Variants in WWOX observed in about 807,000 individuals in gnomAD.
WWOX encodes the protein WW domain containing oxidoreductase, also known as WW domain-containing oxidoreductase.
WWOX carries 69 observed loss-of-function variants against 46.2 expected under a neutral mutation model. The ratio of observed to expected loss-of-function variants is 1.49; its 90% CI spans 1.23 to 1.82. The LOEUF is 1.82. Among genes scored for constraint, WWOX ranks in the 40% most tolerant of loss-of-function variants. The probability of loss-of-function intolerance (pLI) is 0.00; values close to 1 mark genes in which losing one functional copy is unlikely to be tolerated. For synonymous variants in WWOX, 359 were observed against 202.6 expected (o/e 1.77, Z -6.56); for missense variants, 919 against 542.6 (o/e 1.69, Z -6.89).
intron 8 of WWOX, among the ~76,000 whole-genome samples, chr16:79,210,267 T>A (rs955365302): frequency 6.6e-6 from 1 of 152,218 alleles, no homozygotes; most frequent in Non-Finnish European, 1.5e-5. Context: ...AACCCAAGTC[T>A]GCCTTATGGC....
At chr16:78,310,931 G>C (rs1402531835) in intron 5 of WWOX, among the ~76,000 whole-genome samples, 2 of 152,176 alleles carry the variant, frequency 1.3e-5, no homozygotes, top group Non-Finnish European at 2.9e-5. Context: ...GCTTGGCATC[G>C]GAGTGGATGC....
At chr16:79,000,320 C>T (rs369477468) in intron 8 of WWOX, among the ~76,000 whole-genome samples, 5 of 152,318 alleles carry the variant, frequency 3.3e-5, no homozygotes, top group African/African-American at 9.6e-5. Flanking sequence ...GGCCCTACTC[C>T]TAATTCCATG....
chr16:78,585,443 G>A (rs193203407), intron 8 of WWOX, among the ~76,000 whole-genome samples: 231 of 152,228 alleles, frequency 1.5e-3, no homozygotes, highest in South Asian at 0.011. Flanking sequence ...CCTCCCAAAA[G>A]CTGGATTCAC....
intron 8 of WWOX, among the ~76,000 whole-genome samples, chr16:79,061,022 G>T (rs187803367): frequency 2.0e-5 from 3 of 152,296 alleles, no homozygotes; most frequent in Admixed American, 1.3e-4. Context: ...AGAACATTCA[G>T]ACTGGAATTC....
At chr16:79,114,276 A>G (rs114840333) in intron 8 of WWOX, among the ~76,000 whole-genome samples, 1,784 of 152,104 alleles carry the variant, frequency 0.012, 42 homozygotes, top group African/African-American at 0.041. Flanking sequence ...ATGTCATCAA[A>G]TTAATGTGAG....
chr16:78,594,405 C>T (rs1470893100), intron 8 of WWOX, among the ~76,000 whole-genome samples: 1 of 125,398 alleles, frequency 8.0e-6, no homozygotes, highest in African/African-American at 3.1e-5. Context: ...TTACCTGAGT[C>T]TTGACGAAGA....
chr16:78,971,930 C>G (rs1371980507), intron 8 of WWOX, among the ~76,000 whole-genome samples: 1 of 152,168 alleles, frequency 6.6e-6, no homozygotes, highest in Non-Finnish European at 1.5e-5. Flanking sequence ...TTATGAGGAT[C>G]CATCGGGAGC....
intron 8 of WWOX, among the ~76,000 whole-genome samples, chr16:78,723,055 A>T (rs75815614): frequency 0.016 from 2,497 of 152,020 alleles, 76 homozygotes; most frequent in African/African-American, 0.057. Context: ...AAAGAAAATG[A>T]TGTGAGGAAG....
rs564744773 is a variant in WWOX, at chr16:79,020,770, C to T, written c.1057-190838C>T. Among the ~76,000 whole-genome samples, 9 of 152,234 alleles carry T rather than the reference C, an allele frequency of 5.9e-5. No homozygotes were observed. In the South Asian group the frequency reaches 6.2e-4, roughly 11 times the overall value. ...AACACGCATGCAGCTTCCCACACGT[C>T]GTGTGGATTCTTTTCTGTGCTCTCC... On this transcript the variant is annotated intron_variant, in intron 8 of 8. Coordinates refer to ENST00000566780, the MANE Select transcript of WWOX (RefSeq NM_016373.4).
rs573195594 is a variant in WWOX at position 78,905,683 on chromosome 16, A to G, written c.1057-305925A>G. Among the ~76,000 whole-genome samples, 5 of 152,324 alleles carry G rather than the reference A, an allele frequency of 3.3e-5. No homozygotes were observed. In the East Asian group the frequency reaches 7.7e-4, roughly 24 times the overall value. ...GATGCATGAGCCACCTGGCCCAGCC[A>G]GAATCCTTCCATTAATAAAAGGATG... is the stretch of plus-strand genomic sequence containing the variant. On this transcript the variant is annotated intron_variant, in intron 8 of 8. Coordinates refer to ENST00000566780, the MANE Select transcript of WWOX (RefSeq NM_016373.4).
chr16:78,920,448 T>A (rs1371134396), intron 8 of WWOX, among the ~76,000 whole-genome samples: 1 of 152,200 alleles, frequency 6.6e-6, no homozygotes, highest in South Asian at 2.1e-4. Flanking sequence ...TATGGTTCTT[T>A]GGACCTGTGA....
At chr16:78,177,117 C>T (rs565581116) in intron 5 of WWOX, among the ~76,000 whole-genome samples, 1 of 152,304 alleles carries the variant, frequency 6.6e-6, no homozygotes, top group South Asian at 2.1e-4. Flanking sequence ...AGTTGAGAAG[C>T]ATGGCTCAAC....
chr16:78,425,060 G>A lies in WWOX; in HGVS notation c.791+5G>A. On this transcript the variant is annotated splice_donor_5th_base_variant and intron_variant, in intron 7 of 8. Coordinates refer to ENST00000566780, the MANE Select transcript of WWOX (RefSeq NM_016373.4). The stretch of plus-strand genomic sequence containing the variant: ...GGTCTCCTCAGAGTCCCATCGGTGG[G>A]TTTGAATTGCATATTTGTTCACTTA... The A allele has an allele frequency of 1.9e-6, 3 of 1,613,296 alleles. No homozygotes were observed. Among genetic ancestry groups the A allele is most frequent in the Non-Finnish European group, 1.7e-6 (2 of 1,180,008 alleles).
chr16:79,023,956 A>AAAAAC, intron 8 of WWOX, among the ~76,000 whole-genome samples: 1 of 150,954 alleles, frequency 6.6e-6, no homozygotes, highest in East Asian at 2.0e-4. Flanking sequence ...TCCATCTCAA[A>AAAAAC]AAACAAACAA....
intron 8 of WWOX, among the ~76,000 whole-genome samples, chr16:78,489,406 C>T (rs893163720): frequency 6.6e-6 from 1 of 152,256 alleles, no homozygotes; most frequent in Non-Finnish European, 1.5e-5. Context: ...TCACTGTGAA[C>T]CTGCTAACAT....
chr16:79,205,327 C>G (rs2051474480), intron 8 of WWOX: 1 of 152,358 alleles, frequency 6.6e-6, no homozygotes, highest in Middle Eastern at 3.4e-3. Context: ...GGGAATGACA[C>G]TCTTCACCTG....
At chr16:78,705,562 G>A (rs1444388921) in intron 8 of WWOX, among the ~76,000 whole-genome samples, 1 of 152,196 alleles carries the variant, frequency 6.6e-6, no homozygotes, top group East Asian at 1.9e-4. Context: ...CTGCAGTGGT[G>A]CAGCTTAAAA....
intron 8 of WWOX, among the ~76,000 whole-genome samples, chr16:78,933,372 G>C (rs1457044480): frequency 6.6e-6 from 1 of 152,232 alleles, no homozygotes; most frequent in Non-Finnish European, 1.5e-5. Context: ...CCAGGAGGCT[G>C]AGGTTATGTT....
intron 8 of WWOX, among the ~76,000 whole-genome samples, chr16:78,564,970 C>T (rs531857239): frequency 1.9e-3 from 285 of 152,134 alleles, no homozygotes; most frequent in Non-Finnish European, 3.0e-3. Flanking sequence ...AAGTAGAAAA[C>T]GAAAACAACA....
Sources: gnomAD v4.1 joint callset for allele counts (sites outside exome capture counted in the v4.1 genomes callset) on GRCh38, gnomAD v4.1.1 for gene constraint, MANE v1.5 for transcripts, NCBI Gene and HGNC (gene_info 2026-07-23, HGNC 2026-07-21) for gene names.